Variants in RAD23B observed in about 807,000 individuals in gnomAD.
The protein encoded by RAD23B is RAD23 nucleotide excision repair protein B.
Under a neutral mutation model 49.1 loss-of-function variants are expected in RAD23B, and 5 were observed. The observed-to-expected ratio is 0.10, with a 90% CI of 0.05 to 0.21. The LOEUF is 0.21. Ranked by LOEUF, RAD23B falls within the 10% of genes least tolerant of loss-of-function variation. RAD23B has a pLI of 1.00. For missense variants in RAD23B, 356 were observed against 486.7 expected, an observed-to-expected ratio of 0.73 and a Z score of 2.53; for synonymous variants, 184 against 165.4, an observed-to-expected ratio of 1.11 and a Z score of -0.86.
intron 7 of RAD23B, among the ~76,000 whole-genome samples, chr9:107,322,368 A>G (rs1827127848): frequency 1.3e-5 from 2 of 152,250 alleles, no homozygotes; most frequent in African/African-American, 4.8e-5. Flanking sequence ...TATTTGTTTT[A>G]AGGAAAAGAT....
At chr9:107,327,773 T>C (rs1054967200) in intron 9 of RAD23B, among the ~76,000 whole-genome samples, 2 of 152,206 alleles carry the variant, frequency 1.3e-5, no homozygotes, top group African/African-American at 4.8e-5. Context: ...TGTAGTCAAG[T>C]CTTCTTCCTT....
chr9:107,283,822 T>A, intron 1 of RAD23B, 127 bp downstream of exon 1: 1 of 974,756 alleles, frequency 1.0e-6, no homozygotes, highest in Non-Finnish European at 1.3e-6. Context: ...CCCTGGGTCC[T>A]GGTGCCGGCC....
chr9:107,306,045 T>TTTTATATATATATATATA (rs59336314), intron 3 of RAD23B, among the ~76,000 whole-genome samples: 3 of 26,794 alleles, frequency 1.1e-4, no homozygotes, highest in African/African-American at 3.8e-4. Context: ...ATGATACGGT[T>TTTTATATATATATATATA]TATATCTATA....
At chr9:107,302,464 A>C (rs542047041) in intron 3 of RAD23B, among the ~76,000 whole-genome samples, 5 of 152,224 alleles carry the variant, frequency 3.3e-5, no homozygotes, top group Non-Finnish European at 5.9e-5. Context: ...AGTTTTTGTA[A>C]GCTTGCCTTA....
rs56388441 is a variant in RAD23B, at chr9:107,322,108, A to T, written c.807A>T (p.Thr269=). 723 of 1,605,982 alleles carry T rather than the reference A, an allele frequency of 4.5e-4. 4 individuals are homozygous for T. The African/African-American group carries it at 8.6e-3, about 19-fold the overall frequency. ...AATTTATTTT[T]SSGGHPLEFL... ...CTACGACAGCAACAACTACAACAACAAGTTCTGGAGGTAAAGCGGAATCTT... is the reference window on the plus strand; with the variant it reads ...CTACGACAGCAACAACTACAACAACTAGTTCTGGAGGTAAAGCGGAATCTT... Residue 269 remains threonine, a synonymous_variant, in exon 7 of 10, where the codon ACA becomes ACT. Transcript: ENST00000358015.
intron 1 of RAD23B, among the ~76,000 whole-genome samples, chr9:107,290,579 T>C (rs912634432): frequency 6.6e-6 from 1 of 152,216 alleles, no homozygotes; most frequent in Non-Finnish European, 1.5e-5. Flanking sequence ...AGCACAATAC[T>C]TTTAAAAAAG....
At chr9:107,329,141 G>A (rs970688627) in intron 9 of RAD23B, among the ~76,000 whole-genome samples, 1 of 151,998 alleles carries the variant, frequency 6.6e-6, no homozygotes, top group African/African-American at 2.4e-5. Flanking sequence ...TATACTGCAG[G>A]TACTCTCATC....
chr9:107,318,977 GC>G lies in RAD23B; in HGVS notation c.681+99del. On this transcript the variant is annotated intron_variant, in intron 6 of 9. Transcript: ENST00000358015. This position sits in a 1 kb window ranked among gnomAD's most constrained non-coding sequence, Gnocchi z 4.3. ...ACCAGTTCACTTGTCACTGATATAT[GC>G]TAGATGATATACATAATGCTTTTTT... 1 of 1,212,642 alleles carries G rather than the reference GC, an allele frequency of 8.2e-7. No individual in the cohort carries two copies. Among genetic ancestry groups the G allele is most frequent in the Non-Finnish European group, 1.1e-6 (1 of 884,502 alleles). The allele number at this position is 1,212,642 out of a possible 1,614,324, so 75.1% of individuals were successfully genotyped here.
At chr9:107,295,239 T>C (rs1359230763) in intron 1 of RAD23B, among the ~76,000 whole-genome samples, 1 of 151,090 alleles carries the variant, frequency 6.6e-6, no homozygotes, top group East Asian at 1.9e-4. Flanking sequence ...AAGAATTAGA[T>C]TGTGGGGGGA....
At chr9:107,326,919 G>A (rs1011296583) in intron 9 of RAD23B, among the ~76,000 whole-genome samples, 3 of 152,022 alleles carry the variant, frequency 2.0e-5, no homozygotes, top group Admixed American at 6.6e-5. Context: ...GATTACAGGC[G>A]TGAGCCACTG....
chr9:107,326,795 G>A (rs928562819), intron 9 of RAD23B, among the ~76,000 whole-genome samples: 17 of 151,262 alleles, frequency 1.1e-4, no homozygotes, highest in Admixed American at 2.6e-4. Context: ...CACCATGCCC[G>A]GCTAATTTTG....
chr9:107,287,965 G>A (rs1185293022), intron 1 of RAD23B, among the ~76,000 whole-genome samples: 1 of 151,658 alleles, frequency 6.6e-6, no homozygotes, highest in African/African-American at 2.4e-5. Context: ...TTTCAATATA[G>A]TCATGCTAGA....
intron 1 of RAD23B, chr9:107,284,586 C>G: frequency 3.8e-6 from 1 of 266,536 alleles, no homozygotes; most frequent in Admixed American, 5.9e-5. Context: ...GTATTTGTGA[C>G]TGCATAAAGA....
At chr9:107,327,981 C>T (rs1363473335) in intron 9 of RAD23B, among the ~76,000 whole-genome samples, 4 of 151,990 alleles carry the variant, frequency 2.6e-5, no homozygotes, top group African/African-American at 7.3e-5. Context: ...AATCTGTTTC[C>T]TCTGATATAG....
In RAD23B at chr9:107,331,681, A is replaced by G. The variant is rs1827311067; in HGVS notation, c.*2025A>G. ...TCTGTCTACTCAGATCATAGTGAAA[A>G]CTGGAAACAAAAAAAAAAAACAGCC... is the stretch of plus-strand genomic sequence containing the variant. On this transcript the variant is annotated 3_prime_UTR_variant, in exon 10 of 10. Transcript: ENST00000358015. 1.5e-6 allele frequency: 1 copy of G among 674,690 alleles called. No individual in the cohort carries two copies. Among genetic ancestry groups the G allele is most frequent in the Non-Finnish European group, 2.7e-6 (1 of 369,800 alleles). The allele number at this position is 674,690 out of a possible 1,614,324, so 41.8% of individuals were successfully genotyped here.
At chr9:107,297,183 G>C (rs1053711157) in intron 1 of RAD23B, among the ~76,000 whole-genome samples, 1 of 151,146 alleles carries the variant, frequency 6.6e-6, no homozygotes, top group Non-Finnish European at 1.5e-5. Context: ...ATTTTTATTT[G>C]TCCTTTTTTT....
At position 107,283,307 on chromosome 9, in the gene RAD23B, G is replaced by C. The variant is rs1206809327; in HGVS notation, c.-323G>C. 2 of 413,424 alleles carry C rather than the reference G, an allele frequency of 4.8e-6. No individual in the cohort carries two copies. The highest frequency in any genetic ancestry group is 2.1e-5 in the African/African-American group (1 of 48,682). 25.6% of individuals were successfully genotyped at this position (413,424 alleles called of 1,614,324 possible). A position where few individuals can be genotyped will look rare whatever the true frequency, so the allele number is the denominator to read the frequency against. On this transcript the variant is annotated 5_prime_UTR_variant, in exon 1 of 10. Transcript: ENST00000358015. Reference sequence around the variant, plus strand: ...TCACGATGATGGCGGCCACCATCCTGTGGTGAGCTAGCGGATTCCCTGCTT... The same window carrying C: ...TCACGATGATGGCGGCCACCATCCTCTGGTGAGCTAGCGGATTCCCTGCTT...
At chr9:107,317,088 A>G (rs1039604966) in intron 5 of RAD23B, among the ~76,000 whole-genome samples, 1 of 67,706 alleles carries the variant, frequency 1.5e-5, no homozygotes, top group Non-Finnish European at 2.7e-5. Flanking sequence ...TTTTGCGCAC[A>G]CGCGTGCGTG....
At chr9:107,285,426 A>T (rs1024774562) in intron 1 of RAD23B, among the ~76,000 whole-genome samples, 1 of 152,214 alleles carries the variant, frequency 6.6e-6, no homozygotes, top group Non-Finnish European at 1.5e-5. Context: ...ATTGAAAGCT[A>T]AAGAAATATT....
Sources: allele counts gnomAD v4.1 joint callset (sites outside exome capture counted in the v4.1 genomes callset), GRCh38; gene constraint gnomAD v4.1.1; non-coding constraint Gnocchi (gnomAD v3.1); transcripts MANE v1.5; gene names NCBI Gene and HGNC (gene_info 2026-07-23, HGNC 2026-07-21).